The following MAML2 variants were observed in gnomAD, a reference collection of about 807,000 sequenced individuals.
The protein encoded by MAML2 is mastermind like transcriptional coactivator 2.
MAML2 carries 22 observed loss-of-function variants against 96.1 expected under a neutral mutation model. That is an observed-to-expected ratio of 0.23 (90% CI 0.16 to 0.33). The LOEUF (loss-of-function observed/expected upper bound fraction) is 0.33. MAML2 is among the 10% of genes least tolerant of loss of function. The pLI is 1.00. For missense variants in MAML2, 1,367 were observed against 1,392.4 expected (o/e 0.98, Z 0.29); for synonymous variants, 561 against 521.3 (o/e 1.08, Z -1.04).
chr11:96,241,420 T>A (rs987743233), intron 1 of MAML2, among the ~76,000 whole-genome samples: 1 of 152,194 alleles, frequency 6.6e-6, no homozygotes, highest in Non-Finnish European at 1.5e-5. Flanking sequence ...AGGGGGTGAT[T>A]TGGCCCCCCA....
chr11:96,015,989 C>T (rs1430253903), intron 2 of MAML2, among the ~76,000 whole-genome samples: 2 of 152,064 alleles, frequency 1.3e-5, no homozygotes, highest in East Asian at 3.8e-4. Context: ...ATAATACATG[C>T]ATGGCTGGCC....
At chr11:96,126,472 G>A (rs976153829) in intron 1 of MAML2, among the ~76,000 whole-genome samples, 6 of 152,182 alleles carry the variant, frequency 3.9e-5, no homozygotes, top group African/African-American at 1.4e-4. Flanking sequence ...TGAGACAAGA[G>A]AATCACTTGA....
intron 3 of MAML2, among the ~76,000 whole-genome samples, 154 bp from the exon 4 acceptor site, chr11:95,985,796 G>A (rs1158538520): frequency 6.6e-6 from 1 of 152,076 alleles, no homozygotes; most frequent in Non-Finnish European, 1.5e-5. Flanking sequence ...TTAATTCAGA[G>A]ACAAATCTTT....
In MAML2 at chr11:96,249,145, C is replaced by T. The variant is rs932964367; in HGVS notation, c.513+92238G>A. On this transcript the variant is annotated intron_variant, in intron 1 of 4. Coordinates refer to ENST00000524717, the MANE Select transcript of MAML2 (RefSeq NM_032427.4). The stretch of plus-strand genomic sequence containing the variant: ...ATTTGACAACAAACTCTTTATCTGA[C>T]AAATAAACTCTTCCTCCTTCTTAAG... Among the ~76,000 whole-genome samples the T allele has an allele frequency of 4.6e-5, 7 of 152,200 alleles. 1 individual carries two copies. The highest frequency in any genetic ancestry group is 1.4e-4 in the African/African-American group (6 of 41,450).
At chr11:96,217,345 T>C (rs138191469) in intron 1 of MAML2, among the ~76,000 whole-genome samples, 76 of 152,334 alleles carry the variant, frequency 5.0e-4, no homozygotes, top group Non-Finnish European at 7.5e-4. Flanking sequence ...TAATAGGACA[T>C]GGTGACTGTC....
At chr11:96,202,875 G>T (rs149496983) in intron 1 of MAML2, among the ~76,000 whole-genome samples, 1 of 152,030 alleles carries the variant, frequency 6.6e-6, no homozygotes, top group Non-Finnish European at 1.5e-5. Context: ...TGATCTATCC[G>T]CCTCGGCCTC....
chr11:96,322,548 C>T (rs987726345), intron 1 of MAML2, among the ~76,000 whole-genome samples: 1 of 152,038 alleles, frequency 6.6e-6, no homozygotes, highest in Non-Finnish European at 1.5e-5. Context: ...AAATATTAGC[C>T]GGGCGTAGTG....
chr11:96,306,425 C>G (rs1490765149), intron 1 of MAML2, among the ~76,000 whole-genome samples: 1 of 152,184 alleles, frequency 6.6e-6, no homozygotes, highest in Non-Finnish European at 1.5e-5. Context: ...AAAAAGGGGA[C>G]TGAACCTAGC....
At chr11:96,062,363 C>T (rs1258909792) in intron 2 of MAML2, among the ~76,000 whole-genome samples, 1 of 152,128 alleles carries the variant, frequency 6.6e-6, no homozygotes, top group Non-Finnish European at 1.5e-5. Context: ...CAGTGAAGTG[C>T]AGGTAAAAAG....
intron 1 of MAML2, among the ~76,000 whole-genome samples, chr11:96,199,048 A>T (rs1238413571): frequency 6.6e-6 from 1 of 151,958 alleles, no homozygotes; most frequent in African/African-American, 2.4e-5. Flanking sequence ...ATACAAAAAA[A>T]TTAGCCGGGC....
intron 1 of MAML2, among the ~76,000 whole-genome samples, chr11:96,202,801 T>C (rs1292613669): frequency 1.3e-5 from 2 of 152,092 alleles, no homozygotes; most frequent in African/African-American, 4.8e-5. Flanking sequence ...GCTAATTTTG[T>C]ATTTTTGGTA....
chr11:96,086,196 T>C (rs1483156672), intron 2 of MAML2, among the ~76,000 whole-genome samples: 1 of 152,318 alleles, frequency 6.6e-6, no homozygotes, highest in East Asian at 1.9e-4. Context: ...TATATGAGTA[T>C]GAAGGGGGTC....
At chr11:96,222,280 G>C (rs1371191015) in intron 1 of MAML2, among the ~76,000 whole-genome samples, 1 of 152,166 alleles carries the variant, frequency 6.6e-6, no homozygotes, top group Non-Finnish European at 1.5e-5. Flanking sequence ...GTTTATTAAA[G>C]GACACGTGGT....
intron 1 of MAML2, among the ~76,000 whole-genome samples, chr11:96,145,824 A>G (rs1164788879): frequency 6.6e-6 from 1 of 152,188 alleles, no homozygotes; most frequent in Non-Finnish European, 1.5e-5. Flanking sequence ...CCTGGCCAAC[A>G]TGGCGAAACC....
At chr11:96,135,511 T>C (rs1477854401) in intron 1 of MAML2, among the ~76,000 whole-genome samples, 2 of 150,300 alleles carry the variant, frequency 1.3e-5, no homozygotes, top group Non-Finnish European at 3.0e-5. Flanking sequence ...TTCACTCAGC[T>C]AGTAGGTGGC....
At chr11:96,025,804 G>A (rs1252876696) in intron 2 of MAML2, among the ~76,000 whole-genome samples, 4 of 151,844 alleles carry the variant, frequency 2.6e-5, no homozygotes, top group Admixed American at 6.6e-5. Context: ...CTCATGATCC[G>A]CCCACCTCAG....
chr11:96,034,437 G>C (rs564499677), intron 2 of MAML2, among the ~76,000 whole-genome samples: 2 of 132,670 alleles, frequency 1.5e-5, no homozygotes, highest in South Asian at 5.2e-4. Flanking sequence ...GTGTGTGAGA[G>C]AGAGAGAGAG....
chr11:96,243,686 C>T (rs1345828009), intron 1 of MAML2, among the ~76,000 whole-genome samples: 4 of 147,054 alleles, frequency 2.7e-5, no homozygotes, highest in Non-Finnish European at 6.0e-5. Flanking sequence ...CGGAGTCTCG[C>T]TTTGTCGCCC....
At chr11:96,285,735 A>C (rs112589157) in intron 1 of MAML2, among the ~76,000 whole-genome samples, 1 of 152,322 alleles carries the variant, frequency 6.6e-6, no homozygotes, top group East Asian at 1.9e-4. Context: ...GCTCAACATC[A>C]CTGATCATTA....
Sources: gnomAD v4.1 joint callset for allele counts (sites outside exome capture counted in the v4.1 genomes callset) on GRCh38, gnomAD v4.1.1 for gene constraint, MANE v1.5 for transcripts, NCBI Gene and HGNC (gene_info 2026-07-23, HGNC 2026-07-21) for gene names.